Variants in ZNF366 observed in about 807,000 individuals in gnomAD.
The protein encoded by ZNF366 is zinc finger protein 366, also known as dendritic cell-specific transcript protein.
In ZNF366, 20 loss-of-function variants were observed where a neutral mutation model predicts 47.2. That is an observed-to-expected ratio of 0.42 (90% confidence interval 0.30 to 0.62). The LOEUF (loss-of-function observed/expected upper bound fraction) is 0.62. ZNF366 is among the 20% of genes least tolerant of loss of function. The probability of loss-of-function intolerance (pLI) is 0.16; values close to 1 mark genes in which losing one functional copy is unlikely to be tolerated. For synonymous variants in ZNF366, 421 were observed against 395.1 expected (o/e 1.07, Z -0.78); for missense variants, 987 against 976.3 (o/e 1.01, Z -0.15).
At position 72,460,665 on chromosome 5, in the gene ZNF366, T is replaced by G; in HGVS notation, c.832A>C (p.Ile278Leu). The G allele has an allele frequency of 6.2e-7, 1 of 1,614,214 alleles. No individual in the cohort carries two copies. The highest frequency in any genetic ancestry group is 1.1e-5 in the South Asian group (1 of 91,092). The change falls in exon 2 of 5, where the codon ATC (isoleucine) becomes CTC (leucine). Residue 278 changes from isoleucine to leucine, a missense_variant. Coordinates refer to ENST00000318442, the MANE Select transcript of ZNF366 (RefSeq NM_152625.3). ...LVTHILGHSG[I>L]KPHACTHCGK... ...CAGTGCGTGCACGCGTGCGGCTTGA[T>G]CCCACTGTGGCCCAGGATGTGGGTG...
intron 1 of ZNF366, among the ~76,000 whole-genome samples, chr5:72,481,577 AG>A (rs1386803613): frequency 6.6e-6 from 1 of 152,210 alleles, no homozygotes; most frequent in Non-Finnish European, 1.5e-5. Context: ...ATTAATTTTC[AG>A]GTCTTAATAC....
chr5:72,449,291 G>T (rs1743016881), intron 3 of ZNF366, among the ~76,000 whole-genome samples: 1 of 149,250 alleles, frequency 6.7e-6, no homozygotes, highest in African/African-American at 2.5e-5. Flanking sequence ...TGTTGTCAAG[G>T]CTGGAGTGCA....
intron 1 of ZNF366, among the ~76,000 whole-genome samples, chr5:72,469,290 C>G (rs937568158): frequency 6.6e-6 from 1 of 152,024 alleles, no homozygotes; most frequent in Non-Finnish European, 1.5e-5. Context: ...AATTACACAA[C>G]TCTGTAATTT....
intron 4 of ZNF366, among the ~76,000 whole-genome samples, chr5:72,446,775 C>T (rs964068931): frequency 3.3e-5 from 5 of 152,142 alleles, no homozygotes; most frequent in East Asian, 1.9e-4. Context: ...AGAAAAATTG[C>T]GTGCCCATTC....
chr5:72,446,918 G>T (rs910541457), intron 4 of ZNF366, among the ~76,000 whole-genome samples: 1 of 152,146 alleles, frequency 6.6e-6, no homozygotes, highest in African/African-American at 2.4e-5. Context: ...TTCCCCCGCT[G>T]TAAAATAGAA....
chr5:72,455,486 C>T (rs1436218989), intron 3 of ZNF366, among the ~76,000 whole-genome samples: 1 of 152,168 alleles, frequency 6.6e-6, no homozygotes, highest in African/African-American at 2.4e-5. Flanking sequence ...CCCTCTTCTT[C>T]CCCCTCAGCC....
chr5:72,452,681 A>T (rs1047089954), intron 3 of ZNF366, among the ~76,000 whole-genome samples: 1 of 152,236 alleles, frequency 6.6e-6, no homozygotes, highest in Non-Finnish European at 1.5e-5. Flanking sequence ...TCTGCTACAG[A>T]CAAGGTTTCA....
chr5:72,475,420 A>G (rs944743632), intron 1 of ZNF366, among the ~76,000 whole-genome samples: 1 of 152,144 alleles, frequency 6.6e-6, no homozygotes, highest in African/African-American at 2.4e-5. Context: ...AGGACCATAG[A>G]TTTTCTAAGC....
In ZNF366 at chr5:72,507,337, C is replaced by T. The variant is rs1744339295; in HGVS notation, c.-101G>A. The stretch of plus-strand genomic sequence containing the variant: ...TGTCTCTCTCCCTCTCTCTCTCCCT[C>T]TTTCTCTTGTGTACAGATTGCAGGG... On this transcript the variant is annotated 5_prime_UTR_variant, in exon 1 of 5. Transcript: ENST00000318442. 1 of 985,426 alleles carries T rather than the reference C, an allele frequency of 1.0e-6. No individual in the cohort carries two copies. The highest frequency in any genetic ancestry group is 1.2e-6 in the Non-Finnish European group (1 of 830,050). 61.0% of individuals were successfully genotyped at this position (985,426 alleles called of 1,614,324 possible).
At chr5:72,488,822 C>G (rs1318325842) in intron 1 of ZNF366, among the ~76,000 whole-genome samples, 2 of 152,252 alleles carry the variant, frequency 1.3e-5, no homozygotes, top group Admixed American at 6.5e-5. Flanking sequence ...AGCTCAGAAG[C>G]TGACATCACA....
Position 72,441,202 on chromosome 5 carries a change from G to A in ZNF366, c.*2554C>T, listed in dbSNP as rs1209091439. The A allele has an allele frequency of 6.6e-6, 1 of 152,190 alleles. No homozygotes were observed. Among genetic ancestry groups the A allele is most frequent in the African/African-American group, 2.4e-5 (1 of 41,416 alleles). 9.4% of individuals were successfully genotyped at this position (152,190 alleles called of 1,614,324 possible). A position where few individuals can be genotyped will look rare whatever the true frequency, so the allele number is the denominator to read the frequency against. ...TTTGTTTTGGTTGGAAAGGACTAGA[G>A]CCTGTTACTCTAGAATTTCCTGGTT... On this transcript the variant is annotated 3_prime_UTR_variant, in exon 5 of 5. Transcript: ENST00000318442.
rs757256402 is a variant in ZNF366 at position 72,460,215 on chromosome 5, T to C, written c.1282A>G (p.Met428Val). 16 of 1,614,124 alleles carry C rather than the reference T, an allele frequency of 9.9e-6. No homozygotes were observed. Among genetic ancestry groups the C allele is most frequent in the Non-Finnish European group, 1.3e-5 (15 of 1,180,054 alleles). The change falls in exon 2 of 5, where the codon ATG becomes GTG. Residue 428 changes from methionine (M) to valine (V), a missense_variant. Met to Val is a conservative substitution (Grantham distance 21). Transcript: ENST00000318442. The stretch of plus-strand genomic sequence containing the variant: ...AGGTGGTGCGGCTGCACAAACTCCA[T>C]GCCACACTCTGAGCAGATGTAGGGC... The part of the protein sequence containing the change: ...IRPYICSECG[M>V]EFVQPHHLKQ...
chr5:72,472,514 A>G, intron 1 of ZNF366: 1 of 984,834 alleles, frequency 1.0e-6, no homozygotes, highest in Non-Finnish European at 1.2e-6. Flanking sequence ...CAGAGGAAGA[A>G]TTTGGGGACT....
At chr5:72,482,933 A>G (rs1743817605) in intron 1 of ZNF366, among the ~76,000 whole-genome samples, 1 of 152,074 alleles carries the variant, frequency 6.6e-6, no homozygotes, top group Non-Finnish European at 1.5e-5. Context: ...TAAAATTAAC[A>G]TTTGCACCGT....
At chr5:72,469,800 A>G (rs181233317) in intron 1 of ZNF366, among the ~76,000 whole-genome samples, 1 of 152,176 alleles carries the variant, frequency 6.6e-6, no homozygotes, top group East Asian at 1.9e-4. Context: ...AATCCCAGCA[A>G]CTAGGGAGGC....
chr5:72,444,499 A>G (rs139855221), intron 4 of ZNF366, among the ~76,000 whole-genome samples: 3 of 152,348 alleles, frequency 2.0e-5, no homozygotes, highest in Middle Eastern at 3.4e-3. Context: ...GGCAACATGC[A>G]CCAAAAGCTT....
chr5:72,501,090 G>C (rs879437689), intron 1 of ZNF366, among the ~76,000 whole-genome samples: 1 of 152,160 alleles, frequency 6.6e-6, no homozygotes, highest in Non-Finnish European at 1.5e-5. Context: ...GGAGAATAAG[G>C]CACGTACTTG....
chr5:72,462,547 C>CTTTCTTTCTTTCTTTCTTTCGT, intron 1 of ZNF366, among the ~76,000 whole-genome samples: 1 of 78,930 alleles, frequency 1.3e-5, no homozygotes, highest in East Asian at 6.7e-4. Flanking sequence ...TTCTTTCTTT[C>CTTTCTTTCTTTCTTTCTTTCGT]TTTTTTTTTT....
chr5:72,454,037 C>T (rs780406118), intron 3 of ZNF366, among the ~76,000 whole-genome samples: 1 of 152,226 alleles, frequency 6.6e-6, no homozygotes, highest in Non-Finnish European at 1.5e-5. Flanking sequence ...CCAGGCCCAT[C>T]TCTCCCATTG....
Sources: allele counts gnomAD v4.1 joint callset (sites outside exome capture counted in the v4.1 genomes callset), GRCh38; gene constraint gnomAD v4.1.1; transcripts MANE v1.5; gene names NCBI Gene and HGNC (gene_info 2026-07-23, HGNC 2026-07-21).